Variants in OAS1 observed in about 807,000 individuals in gnomAD.
The protein encoded by OAS1 is 2'-5'-oligoadenylate synthetase 1, also known as 2'-5'-oligoadenylate synthase 1.
A neutral mutation model predicts 38.5 loss-of-function variants in OAS1; 24 were observed. The ratio of observed to expected loss-of-function variants is 0.62; its 90% CI spans 0.45 to 0.88. The LOEUF is 0.88. Among genes scored for constraint, OAS1 ranks in the 40% least tolerant of loss-of-function variants. The probability of loss-of-function intolerance (pLI) is 0.00; values close to 1 mark genes in which losing one functional copy is unlikely to be tolerated. For missense variants in OAS1, 482 were observed against 493.9 expected (o/e 0.98, Z 0.23); for synonymous variants, 169 against 193.9 (o/e 0.87, Z 1.07).
rs374313290 is a variant in OAS1 at position 112,908,565 on chromosome 12, C to A, written c.210C>A (p.Leu70=). ...GCTCCTCAGGCAAGGGCACCACCCT[C>A]AGAGGCCGATCTGACGCTGACCTGG... ...KGGSSGKGTT[L]RGRSDADLVV... is the part of the protein sequence containing the mutation. Residue 70 remains leucine (L), a synonymous_variant, in exon 2 of 6, where the codon CTC becomes CTA. Transcript: ENST00000202917. The A allele has an allele frequency of 8.7e-6, 14 of 1,613,976 alleles. No homozygotes were observed. Among genetic ancestry groups the A allele is most frequent in the Non-Finnish European group, 1.2e-5 (14 of 1,179,956 alleles).
intron 6 of OAS1, among the ~76,000 whole-genome samples, chr12:112,928,822 C>A (rs2043578306): frequency 6.6e-6 from 1 of 152,178 alleles, no homozygotes; most frequent in Non-Finnish European, 1.5e-5. Flanking sequence ...AAGCATGGAT[C>A]CAGGAAGCAG....
Position 112,908,694 on chromosome 12 carries a change from A to G in OAS1, c.339A>G (p.Arg113=). The change falls in exon 2 of 6, where the codon AGA becomes AGG. Residue 113 remains arginine (R), a synonymous_variant. Coordinates refer to ENST00000202917, the MANE Select transcript of OAS1 (RefSeq NM_016816.4). The part of the protein sequence containing the change: ...RRQLEACQRE[R]AFSVKFEVQA... The stretch of plus-strand genomic sequence containing the variant: ...AGCTGGAAGCCTGTCAAAGAGAGAG[A>G]GCATTTTCCGTGAAGTTTGAGGTCC... 1 of 1,614,142 alleles carries G rather than the reference A, an allele frequency of 6.2e-7. No homozygotes were observed. The highest frequency in any genetic ancestry group is 8.5e-7 in the Non-Finnish European group (1 of 1,180,034).
At chr12:112,910,810 G>GT (rs1282660168) in intron 2 of OAS1, among the ~76,000 whole-genome samples, 1 of 152,172 alleles carries the variant, frequency 6.6e-6, no homozygotes, top group Non-Finnish European at 1.5e-5. Flanking sequence ...AGAACAGGCT[G>GT]TGGGGGAACC....
chr12:112,918,102 A>G (rs1015288501), intron 5 of OAS1: 8 of 319,400 alleles, frequency 2.5e-5, no homozygotes, highest in Middle Eastern at 1.2e-3. Context: ...ACACAGCTAT[A>G]TTGTGTAATG....
chr12:112,930,187 C>T (rs2043589030), intron 6 of OAS1, among the ~76,000 whole-genome samples: 1 of 152,158 alleles, frequency 6.6e-6, no homozygotes, highest in Admixed American at 6.5e-5. Context: ...TCCCCCTTTG[C>T]CTTCTGCTAT....
chr12:112,907,053 G>A lies in OAS1; in HGVS notation c.14G>A (p.Arg5Lys), dbSNP rs147205471. 2.5e-6 allele frequency: 4 copies of A among 1,614,138 alleles called. No homozygotes were observed. Among genetic ancestry groups the A allele is most frequent in the African/African-American group, 1.3e-5 (1 of 74,938 alleles). MMDLRNTPAKSLDKF... is the reference protein window; with the variant it reads MMDLKNTPAKSLDKF... ...TCTCTCCTGTCAATGATGGATCTCAGAAATACCCCAGCCAAATCTCTGGAC... is the reference window on the plus strand; with the variant it reads ...TCTCTCCTGTCAATGATGGATCTCAAAAATACCCCAGCCAAATCTCTGGAC... Residue 5 changes from arginine to lysine, a missense_variant, in exon 1 of 6, where the codon AGA (arginine) becomes AAA (lysine). By Grantham distance (26) the Arg-to-Lys change is conservative. Transcript: ENST00000202917.
Position 112,919,425 on chromosome 12 carries a change from C to T in OAS1, c.1075C>T (p.Pro359Ser), listed in dbSNP as rs146430732. The change falls in exon 6 of 6, where the codon CCC becomes TCC. Residue 359 changes from proline to serine, a missense_variant. Transcript: ENST00000202917. ...SNSADDETDD[P>S]RRYQKYGYIG... ...CAGTGCAGACGATGAGACCGACGAT[C>T]CCAGGAGGTATCAGAAATATGGTTA... The T allele has an allele frequency of 6.2e-7, 1 of 1,614,088 alleles. No homozygotes were observed. The highest frequency in any genetic ancestry group is 8.5e-7 in the Non-Finnish European group (1 of 1,179,970).
intron 2 of OAS1, chr12:112,909,057 G>A: frequency 2.1e-6 from 1 of 466,776 alleles, no homozygotes. Context: ...CATCTGCAAG[G>A]CTTACTGGTT....
chr12:112,908,619 T>C lies in OAS1; in HGVS notation c.264T>C (p.Phe88=), dbSNP rs1292060463. Reference sequence around the variant, plus strand: ...TCTTCCTCAGTCCTCTCACCACTTTTCAGGATCAGTTAAATCGCCGGGGAG... The same window carrying C: ...TCTTCCTCAGTCCTCTCACCACTTTCCAGGATCAGTTAAATCGCCGGGGAG... ...LVVFLSPLTT[F]QDQLNRRGEF... is the part of the protein sequence containing the mutation. Residue 88 remains phenylalanine (F), a synonymous_variant, in exon 2 of 6, where the codon TTT becomes TTC. Coordinates refer to ENST00000202917, the MANE Select transcript of OAS1 (RefSeq NM_016816.4). The C allele has an allele frequency of 4.3e-6, 7 of 1,614,184 alleles. No homozygotes were observed. The highest frequency in any genetic ancestry group is 5.9e-6 in the Non-Finnish European group (7 of 1,180,030).
In OAS1 at chr12:112,908,625, T is replaced by C. The variant is rs774585484; in HGVS notation, c.270T>C (p.Asp90=). ...TCAGTCCTCTCACCACTTTTCAGGA[T>C]CAGTTAAATCGCCGGGGAGAGTTCA... is the stretch of plus-strand genomic sequence containing the variant. The part of the protein sequence containing the change: ...VFLSPLTTFQ[D]QLNRRGEFIQ... Residue 90 remains aspartate (D), a synonymous_variant, in exon 2 of 6, where the codon GAT becomes GAC. Coordinates refer to ENST00000202917, the MANE Select transcript of OAS1 (RefSeq NM_016816.4). 2.5e-6 allele frequency: 4 copies of C among 1,614,050 alleles called. No individual in the cohort carries two copies. The highest frequency in any genetic ancestry group is 3.4e-6 in the Non-Finnish European group (4 of 1,180,034).
intron 6 of OAS1, among the ~76,000 whole-genome samples, chr12:112,930,446 GT>G (rs923157360): frequency 1.3e-5 from 2 of 152,216 alleles, no homozygotes; most frequent in Non-Finnish European, 2.9e-5. Flanking sequence ...TTAGGCCCCA[GT>G]GCAAGGCCCC....
intron 3 of OAS1, among the ~76,000 whole-genome samples, chr12:112,913,724 G>C (rs2043416748): frequency 6.6e-6 from 1 of 151,888 alleles, no homozygotes; most frequent in Non-Finnish European, 1.5e-5. Context: ...TTAATTCCCT[G>C]CTAACTATTT....
Position 112,919,759 on chromosome 12 carries a change from C to T in OAS1, c.*206C>T. The T allele has an allele frequency of 4.1e-6, 6 of 1,450,766 alleles. No homozygotes were observed. Among genetic ancestry groups the T allele is most frequent in the South Asian group, 1.5e-5 (1 of 67,904 alleles). 89.9% of individuals were successfully genotyped at this position (1,450,766 alleles called of 1,614,324 possible). On this transcript the variant is annotated 3_prime_UTR_variant, in exon 6 of 6. Coordinates refer to ENST00000202917, the MANE Select transcript of OAS1 (RefSeq NM_016816.4). ...TTCTCCACAGCCTCACTTCATTCCA[C>T]CTATTCTCTGAAAATATTCCCTGAG...
rs373323762 is a variant in OAS1, at chr12:112,911,177, A to T, written c.596A>T (p.Lys199Met). The T allele has an allele frequency of 5.0e-6, 8 of 1,613,884 alleles. No individual in the cohort carries two copies. Among genetic ancestry groups the T allele is most frequent in the Non-Finnish European group, 6.8e-6 (8 of 1,179,996 alleles). ...ACAGAACTACAGAGAGACTTCCTGA[A>T]GCAGCGCCCCACCAAGCTCAAGAGC... ...CFTELQRDFL[K>M]QRPTKLKSLI... The change falls in exon 3 of 6, where the codon AAG becomes ATG. Residue 199 changes from lysine (K) to methionine (M), a missense_variant. Coordinates refer to ENST00000202917, the MANE Select transcript of OAS1 (RefSeq NM_016816.4).
chr12:112,924,623 T>C (rs1184709122), downstream of OAS1, among the ~76,000 whole-genome samples: 1 of 152,196 alleles, frequency 6.6e-6, no homozygotes, highest in Non-Finnish European at 1.5e-5. Flanking sequence ...CAAGTATTTG[T>C]TTCAGTACTA....
intron 6 of OAS1, among the ~76,000 whole-genome samples, chr12:112,928,942 C>A (rs1160537727): frequency 6.6e-6 from 1 of 152,194 alleles, no homozygotes; most frequent in East Asian, 1.9e-4. Flanking sequence ...GATTCTACAG[C>A]AATCCCAGGC....
chr12:112,925,573 G>A (rs554429097), intron 6 of OAS1, among the ~76,000 whole-genome samples: 13 of 152,332 alleles, frequency 8.5e-5, no homozygotes, highest in African/African-American at 3.1e-4. Flanking sequence ...GATTGCTTGA[G>A]CCCAGGAGTT....
chr12:112,930,749 A>ATAG (rs1339097959), intron 6 of OAS1, among the ~76,000 whole-genome samples: 1 of 152,248 alleles, frequency 6.6e-6, no homozygotes, highest in Non-Finnish European at 1.5e-5. Flanking sequence ...GTTCATTTTA[A>ATAG]TAGCAACAGG....
Position 112,907,226 on chromosome 12 carries a change from C to T in OAS1, c.180+7C>T, listed in dbSNP as rs2043309514. On this transcript the variant is annotated splice_region_variant and intron_variant, in intron 1 of 5. Transcript: ENST00000202917. ...TGTGTCCAAGGTGGTAAAGGTGAGT[C>T]CAGGCCTGCCTGGCCAGGGGAGGGG... 1 of 1,612,672 alleles carries T rather than the reference C, an allele frequency of 6.2e-7. No homozygotes were observed. The highest frequency in any genetic ancestry group is 1.3e-5 in the African/African-American group (1 of 74,832).
Sources: allele counts gnomAD v4.1 joint callset (sites outside exome capture counted in the v4.1 genomes callset), GRCh38; gene constraint gnomAD v4.1.1; transcripts MANE v1.5; gene names NCBI Gene and HGNC (gene_info 2026-07-23, HGNC 2026-07-21).